The following L3MBTL4 variants were observed in gnomAD, a reference collection of about 807,000 sequenced individuals.
L3MBTL4 encodes the protein L3MBTL histone methyl-lysine binding protein 4.
A neutral mutation model predicts 84.5 loss-of-function variants in L3MBTL4; 70 were observed. That is an observed-to-expected ratio of 0.83 (90% CI 0.68 to 1.01). The LOEUF (loss-of-function observed/expected upper bound fraction) is 1.01, where lower values mean the gene tolerates loss of function less well. Ranked by LOEUF, L3MBTL4 falls within the 50% of genes least tolerant of loss-of-function variation. The probability of loss-of-function intolerance (pLI) is 0.00; values close to 1 mark genes in which losing one functional copy is unlikely to be tolerated. For synonymous variants in L3MBTL4, 274 were observed against 259.8 expected, an observed-to-expected ratio of 1.05 and a Z score of -0.52; for missense variants, 715 against 754.8, an observed-to-expected ratio of 0.95 and a Z score of 0.62.
intron 13 of L3MBTL4, among the ~76,000 whole-genome samples, chr18:6,145,721 T>C (rs936250837): frequency 5.3e-5 from 8 of 152,216 alleles, no homozygotes; most frequent in African/African-American, 1.9e-4. Context: ...TTTTATTTTT[T>C]CTTATTTTTA....
chr18:6,266,163 A>G (rs1160759634), intron 4 of L3MBTL4, among the ~76,000 whole-genome samples: 1 of 152,218 alleles, frequency 6.6e-6, no homozygotes, highest in Non-Finnish European at 1.5e-5. Flanking sequence ...TCATTTATTC[A>G]CATATTTATA....
chr18:6,016,518 T>A (rs1234304141), intron 16 of L3MBTL4, among the ~76,000 whole-genome samples: 1 of 152,172 alleles, frequency 6.6e-6, no homozygotes, highest in African/African-American at 2.4e-5. Flanking sequence ...AAGACACCTT[T>A]GTGGCCCATG....
At chr18:6,213,387 G>A in intron 11 of L3MBTL4, 128 bp from the exon 12 acceptor site, 1 of 569,288 alleles carries the variant, frequency 1.8e-6, no homozygotes, top group Middle Eastern at 3.0e-4. Context: ...GGAATTTAGT[G>A]TTTTTTGTTT....
Position 6,093,405 on chromosome 18 carries a change from G to A in L3MBTL4, c.1323C>T (p.Leu441=). The change falls in exon 15 of 19, where the codon CTC becomes CTT. Residue 441 remains leucine, a synonymous_variant. Transcript: ENST00000317931. ...SDSSHSKSKS[L]CSLNFNGKHE... ...GTTTTCCATTGAAGTTCAAACTACAGAGGCTTTTTGATTTTGAATGTGAAG... is the reference window on the plus strand; with the variant it reads ...GTTTTCCATTGAAGTTCAAACTACAAAGGCTTTTTGATTTTGAATGTGAAG... 4 of 1,613,584 alleles carry A rather than the reference G, an allele frequency of 2.5e-6. No individual in the cohort carries two copies. The highest frequency in any genetic ancestry group is 3.4e-6 in the Non-Finnish European group (4 of 1,179,864).
intron 16 of L3MBTL4, among the ~76,000 whole-genome samples, chr18:6,024,195 C>A (rs1306445976): frequency 6.6e-6 from 1 of 152,176 alleles, no homozygotes; most frequent in African/African-American, 2.4e-5. Flanking sequence ...TCTTTGACAG[C>A]ATTCTTTTGC....
At chr18:6,246,604 T>C (rs924326225) in intron 5 of L3MBTL4, among the ~76,000 whole-genome samples, 3 of 152,174 alleles carry the variant, frequency 2.0e-5, no homozygotes, top group African/African-American at 7.2e-5. Context: ...AATTTATTCT[T>C]TTCAAAAATT....
intron 16 of L3MBTL4, among the ~76,000 whole-genome samples, chr18:5,980,327 G>A (rs745428676): frequency 2.6e-5 from 4 of 151,982 alleles, no homozygotes; most frequent in Admixed American, 6.6e-5. Context: ...GAGAGGCCAG[G>A]ATTCCCCCCA....
intron 10 of L3MBTL4, among the ~76,000 whole-genome samples, chr18:6,233,974 G>C (rs1312739131): frequency 6.6e-6 from 1 of 152,112 alleles, no homozygotes; most frequent in Non-Finnish European, 1.5e-5. Context: ...CAGAGATATA[G>C]ACCAGTGGAA....
intron 17 of L3MBTL4, 50 bp from the exon 18 acceptor site, chr18:5,960,206 T>C: frequency 8.4e-7 from 1 of 1,186,816 alleles, no homozygotes; most frequent in Non-Finnish European, 1.2e-6. Flanking sequence ...CTGAAATAAT[T>C]TGGGGGTTGC....
At chr18:6,239,233 T>C (rs1434609769) in intron 9 of L3MBTL4, among the ~76,000 whole-genome samples, 1 of 147,996 alleles carries the variant, frequency 6.8e-6, no homozygotes, top group East Asian at 2.0e-4. Flanking sequence ...CCCAGCTACT[T>C]GGGAGGCTGA....
At chr18:6,386,868 A>C (rs894225122) in intron 1 of L3MBTL4, among the ~76,000 whole-genome samples, 1 of 152,168 alleles carries the variant, frequency 6.6e-6, no homozygotes, top group Non-Finnish European at 1.5e-5. Context: ...CATGAGAATG[A>C]GACTAAAGGG....
intron 13 of L3MBTL4, among the ~76,000 whole-genome samples, chr18:6,167,643 G>C (rs912090232): frequency 6.6e-6 from 1 of 152,036 alleles, no homozygotes; most frequent in Non-Finnish European, 1.5e-5. Flanking sequence ...CATGCTAAAA[G>C]CTCTCAATAA....
At chr18:6,195,133 T>C (rs2045317393) in intron 12 of L3MBTL4, among the ~76,000 whole-genome samples, 1 of 152,150 alleles carries the variant, frequency 6.6e-6, no homozygotes, top group South Asian at 2.1e-4. Context: ...TCATGGATGA[T>C]GATATTATCA....
intron 1 of L3MBTL4, among the ~76,000 whole-genome samples, chr18:6,325,103 T>G (rs534317275): frequency 6.6e-6 from 1 of 152,020 alleles, no homozygotes; most frequent in South Asian, 2.1e-4. Context: ...CAGCATGAAC[T>G]TGAAAGTTGA....
intron 1 of L3MBTL4, among the ~76,000 whole-genome samples, chr18:6,340,903 A>G (rs1000617279): frequency 4.6e-5 from 7 of 152,196 alleles, no homozygotes; most frequent in African/African-American, 1.7e-4. Context: ...AATGTGTGCA[A>G]TCTGAACACA....
intron 13 of L3MBTL4, among the ~76,000 whole-genome samples, chr18:6,146,870 A>AG (rs1393943436): frequency 6.6e-6 from 1 of 152,146 alleles, no homozygotes; most frequent in Non-Finnish European, 1.5e-5. Context: ...TGGGGCGATC[A>AG]GGGACTGTCA....
intron 1 of L3MBTL4, chr18:6,395,822 C>T (rs540577489): frequency 1.1e-4 from 17 of 152,216 alleles, no homozygotes; most frequent in African/African-American, 4.1e-4. Context: ...TGGATATTAT[C>T]TACAATAAAG....
intron 16 of L3MBTL4, among the ~76,000 whole-genome samples, chr18:6,061,277 T>C (rs1028044742): frequency 3.3e-5 from 5 of 152,114 alleles, no homozygotes; most frequent in Non-Finnish European, 7.4e-5. Flanking sequence ...AATATGCTTA[T>C]TTATCATTTG....
Position 6,196,308 on chromosome 18 carries a change from C to T in L3MBTL4, c.981+16841G>A, listed in dbSNP as rs553370595. Among the ~76,000 whole-genome samples, 489 of 152,160 alleles carry T rather than the reference C, an allele frequency of 3.2e-3. 3 individuals carry two copies. Among genetic ancestry groups the T allele is most frequent in the African/African-American group, 0.011 (462 of 41,498 alleles). Reference sequence around the variant, plus strand: ...AAGTAGCTGGGACTACAGGCGCCCGCCACCACGCCCGTCTAATTTTTTGTA... The same window carrying T: ...AAGTAGCTGGGACTACAGGCGCCCGTCACCACGCCCGTCTAATTTTTTGTA... On this transcript the variant is annotated intron_variant, in intron 12 of 18. Coordinates refer to ENST00000317931, the MANE Select transcript of L3MBTL4 (RefSeq NM_001330559.2).
Sources: allele counts gnomAD v4.1 joint callset (sites outside exome capture counted in the v4.1 genomes callset), GRCh38; gene constraint gnomAD v4.1.1; transcripts MANE v1.5; gene names NCBI Gene and HGNC (gene_info 2026-07-23, HGNC 2026-07-21).